Variants in ASCC3 observed in about 807,000 individuals in gnomAD.
The protein encoded by ASCC3 is activating signal cointegrator 1 complex subunit 3.
ASCC3 carries 158 observed loss-of-function variants against 256.3 expected under a neutral mutation model. The observed-to-expected ratio is 0.62, with a 90% confidence interval of 0.54 to 0.70. ASCC3 has a LOEUF of 0.70. Ranked by LOEUF, ASCC3 falls within the 30% of genes least tolerant of loss-of-function variation. ASCC3 has a pLI of 0.00. For missense variants in ASCC3, 2,259 were observed against 2,626.0 expected (o/e 0.86, Z 3.05); for synonymous variants, 948 against 883.4 (o/e 1.07, Z -1.30).
At chr6:100,738,187 T>C (rs570758892) in intron 10 of ASCC3, among the ~76,000 whole-genome samples, 6 of 152,152 alleles carry the variant, frequency 3.9e-5, no homozygotes, top group African/African-American at 9.7e-5. Context: ...ACTCTGAAAA[T>C]AGTTTATTTT....
At chr6:100,830,056 C>T (rs555231963) in intron 4 of ASCC3, among the ~76,000 whole-genome samples, 9 of 152,008 alleles carry the variant, frequency 5.9e-5, no homozygotes, top group South Asian at 4.2e-4. Flanking sequence ...CTACCCACAA[C>T]GGCATGTAAT....
chr6:100,676,846 T>A (rs759848411), intron 14 of ASCC3, among the ~76,000 whole-genome samples: 25 of 152,168 alleles, frequency 1.6e-4, no homozygotes, highest in Non-Finnish European at 3.5e-4. Flanking sequence ...TTGTGTTAAA[T>A]GAAACTGTAA....
At chr6:100,771,384 T>C (rs975238614) in intron 8 of ASCC3, among the ~76,000 whole-genome samples, 1 of 152,012 alleles carries the variant, frequency 6.6e-6, no homozygotes, top group Non-Finnish European at 1.5e-5. Context: ...ATTTCTTAAA[T>C]AAAATAAAAT....
intron 13 of ASCC3, among the ~76,000 whole-genome samples, chr6:100,697,163 A>G (rs971236900): frequency 6.6e-6 from 1 of 152,100 alleles, no homozygotes; most frequent in East Asian, 1.9e-4. Flanking sequence ...GCAGGGCCCA[A>G]TAGTAATATC....
chr6:100,736,496 C>T (rs1454115350), intron 10 of ASCC3, among the ~76,000 whole-genome samples: 1 of 147,946 alleles, frequency 6.8e-6, no homozygotes, highest in Non-Finnish European at 1.5e-5. Flanking sequence ...AGTAAAACTC[C>T]ATTTCAAAAA....
At chr6:100,760,673 A>G (rs368416509) in intron 10 of ASCC3, among the ~76,000 whole-genome samples, 1 of 152,228 alleles carries the variant, frequency 6.6e-6, no homozygotes, top group African/African-American at 2.4e-5. Context: ...ACTGACAAGC[A>G]TAATAACCTA....
chr6:100,609,624 C>G (rs765524627), intron 30 of ASCC3, among the ~76,000 whole-genome samples: 3 of 152,088 alleles, frequency 2.0e-5, no homozygotes, highest in Non-Finnish European at 4.4e-5. Flanking sequence ...ATAGTTGTGG[C>G]TGGGTGTGGT....
At chr6:100,514,191 AT>A (rs1179538973) in intron 39 of ASCC3, among the ~76,000 whole-genome samples, 2 of 152,128 alleles carry the variant, frequency 1.3e-5, no homozygotes, top group Non-Finnish European at 2.9e-5. Flanking sequence ...CTTGAACTGG[AT>A]TTTGAAGTAG....
rs544238364 is a variant in ASCC3 at position 100,584,816 on chromosome 6, A to C, written c.5550+4818T>G. Among the ~76,000 whole-genome samples the C allele has an allele frequency of 1.2e-3, 176 of 151,870 alleles. 1 individual carries two copies. Among genetic ancestry groups the C allele is most frequent in the African/African-American group, 4.0e-3 (164 of 41,406 alleles). ...TCTCTCAGCATTTGCTTGTCTGTAA[A>C]GTATTTTATTTCTCCTTCAGTTATG... On this transcript the variant is annotated intron_variant, in intron 36 of 41. Coordinates refer to ENST00000369162, the MANE Select transcript of ASCC3 (RefSeq NM_006828.4).
chr6:100,786,870 G>A (rs1485686935), intron 8 of ASCC3, among the ~76,000 whole-genome samples: 1 of 152,116 alleles, frequency 6.6e-6, no homozygotes, highest in Non-Finnish European at 1.5e-5. Context: ...ATGAAATTGA[G>A]TCTTAAAAAT....
At position 100,605,214 on chromosome 6, in the gene ASCC3, T is replaced by C. The variant is rs568377081; in HGVS notation, c.5177+354A>G. ...TGATTATTATTAGTACTCTATGAGATAGCTGGTCTTGCTACCATCTCCATT... is the reference window on the plus strand; with the variant it reads ...TGATTATTATTAGTACTCTATGAGACAGCTGGTCTTGCTACCATCTCCATT... On this transcript the variant is annotated intron_variant, in intron 33 of 41. Coordinates refer to ENST00000369162, the MANE Select transcript of ASCC3 (RefSeq NM_006828.4). Among the ~76,000 whole-genome samples, 4 of 152,294 alleles carry C rather than the reference T, an allele frequency of 2.6e-5. No homozygotes were observed. The South Asian group carries it at 8.3e-4, about 32-fold the overall frequency.
At position 100,519,742 on chromosome 6, in the gene ASCC3, G is replaced by T. The variant is rs140602842; in HGVS notation, c.5776-1600C>A. On this transcript the variant is annotated intron_variant, in intron 37 of 41. Coordinates refer to ENST00000369162, the MANE Select transcript of ASCC3 (RefSeq NM_006828.4). Reference sequence around the variant, plus strand: ...CAGACCAAAAGCTCACATACTAGAAGAGCTAGATGGATGAACCATATGTTC... The same window carrying T: ...CAGACCAAAAGCTCACATACTAGAATAGCTAGATGGATGAACCATATGTTC... Among the ~76,000 whole-genome samples the T allele has an allele frequency of 4.7e-4, 72 of 152,186 alleles. 1 individual carries two copies. The highest frequency in any genetic ancestry group is 1.6e-3 in the African/African-American group (68 of 41,540).
chr6:100,874,859 T>C (rs998718561), intron 1 of ASCC3, among the ~76,000 whole-genome samples: 2 of 151,892 alleles, frequency 1.3e-5, no homozygotes, highest in African/African-American at 4.8e-5. Flanking sequence ...CTAGACAAGG[T>C]TATTACAAGA....
chr6:100,736,513 A>G (rs1780177193), intron 10 of ASCC3, among the ~76,000 whole-genome samples: 1 of 151,982 alleles, frequency 6.6e-6, no homozygotes, highest in Non-Finnish European at 1.5e-5. Flanking sequence ...AAAAAAAAAA[A>G]GTTCCTTTTA....
At chr6:100,789,338 G>A (rs1769238954) in intron 8 of ASCC3, among the ~76,000 whole-genome samples, 1 of 151,966 alleles carries the variant, frequency 6.6e-6, no homozygotes, top group East Asian at 1.9e-4. Context: ...GACAACTGGA[G>A]ACTCAAAGGA....
At chr6:100,670,528 AT>A (rs1776689781) in intron 14 of ASCC3, among the ~76,000 whole-genome samples, 1 of 151,834 alleles carries the variant, frequency 6.6e-6, no homozygotes. Flanking sequence ...GACAAGGAAA[AT>A]TCATCTGTGC....
intron 4 of ASCC3, among the ~76,000 whole-genome samples, chr6:100,829,125 G>A (rs1451258204): frequency 6.6e-6 from 1 of 152,084 alleles, no homozygotes; most frequent in Admixed American, 6.5e-5. Context: ...AGATATAAAG[G>A]TTCTCCAAGT....
At chr6:100,862,549 A>G (rs1467372419) in intron 3 of ASCC3, among the ~76,000 whole-genome samples, 1 of 152,208 alleles carries the variant, frequency 6.6e-6, no homozygotes, top group African/African-American at 2.4e-5. Flanking sequence ...GCCAACCAGC[A>G]AGCATATGGT....
chr6:100,662,652 G>T, intron 14 of ASCC3, 116 bp from the exon 15 acceptor site: 1 of 892,940 alleles, frequency 1.1e-6, no homozygotes, highest in Non-Finnish European at 1.8e-6. Context: ...GCATCTTAAG[G>T]TATTACTAGG....
Sources: gnomAD v4.1 joint callset for allele counts (sites outside exome capture counted in the v4.1 genomes callset) on GRCh38, gnomAD v4.1.1 for gene constraint, MANE v1.5 for transcripts, NCBI Gene and HGNC (gene_info 2026-07-23, HGNC 2026-07-21) for gene names.